Variants in COLGALT1 observed in about 807,000 individuals in gnomAD.
COLGALT1 encodes the protein collagen beta(1-O)galactosyltransferase 1.
In COLGALT1, 43 loss-of-function variants were observed where a neutral mutation model predicts 60.8. The observed-to-expected ratio is 0.71, with a 90% CI of 0.55 to 0.91. COLGALT1 has a LOEUF of 0.91. Ranked by LOEUF, COLGALT1 falls within the 40% of genes least tolerant of loss-of-function variation. The pLI is 0.00. For missense variants in COLGALT1, 845 were observed against 880.0 expected, an observed-to-expected ratio of 0.96 and a Z score of 0.50; for synonymous variants, 369 against 374.2, an observed-to-expected ratio of 0.99 and a Z score of 0.16.
chr19:17,577,112 C>A, intron 6 of COLGALT1, 83 bp from the exon 7 acceptor site: 1 of 1,374,124 alleles, frequency 7.3e-7, no homozygotes, highest in Non-Finnish European at 1.0e-6. Context: ...TGACTGGGAG[C>A]CATGGAGTGG....
chr19:17,557,181 A>G (rs921649960), intron 1 of COLGALT1, among the ~76,000 whole-genome samples: 2 of 152,230 alleles, frequency 1.3e-5, no homozygotes, highest in African/African-American at 4.8e-5. Flanking sequence ...TAATCCAAAT[A>G]CACAATTGGT....
intron 10 of COLGALT1, chr19:17,579,815 G>T: frequency 3.1e-6 from 2 of 636,020 alleles, no homozygotes; most frequent in Non-Finnish European, 5.3e-6. Context: ...TGAATCCTAC[G>T]GGCGTGGCCA....
chr19:17,564,060 A>C (rs959507065), intron 3 of COLGALT1, among the ~76,000 whole-genome samples: 13 of 122,294 alleles, frequency 1.1e-4, no homozygotes, highest in Admixed American at 3.2e-4. Context: ...ACATAGTGAG[A>C]CCCCCCCCAT....
chr19:17,570,934 G>A (rs756787539), intron 5 of COLGALT1, among the ~76,000 whole-genome samples: 20 of 152,088 alleles, frequency 1.3e-4, no homozygotes, highest in Admixed American at 7.9e-4. Context: ...CATGAAAACT[G>A]TATGAAATTC....
intron 1 of COLGALT1, among the ~76,000 whole-genome samples, chr19:17,558,954 A>T (rs368181802): frequency 4.0e-5 from 6 of 151,516 alleles, no homozygotes; most frequent in South Asian, 2.1e-4. Flanking sequence ...AGGTCAGGAG[A>T]TCGAGACCAG....
intron 6 of COLGALT1, 122 bp downstream of exon 6, chr19:17,572,724 T>C: frequency 7.1e-7 from 1 of 1,409,576 alleles, no homozygotes; most frequent in African/African-American, 1.4e-5. Flanking sequence ...TGGGGGGTGC[T>C]GGGTGCAACG....
At chr19:17,556,110 C>T (rs3746317) in intron 1 of COLGALT1, 137 bp downstream of exon 1, 406,903 of 999,782 alleles carry the variant, frequency 0.41, 90,109 homozygotes, top group Non-Finnish European at 0.45. Flanking sequence ...CTCGCTACCC[C>T]CATCGGGACG....
rs972586167 is a variant in COLGALT1 at position 17,581,554 on chromosome 19, G to A, written c.*110G>A. 38 of 1,366,216 alleles carry A rather than the reference G, an allele frequency of 2.8e-5. No individual in the cohort carries two copies. In the South Asian group the frequency reaches 3.9e-4, roughly 14 times the overall value. 84.6% of individuals were successfully genotyped at this position (1,366,216 alleles called of 1,614,324 possible). A position where few individuals can be genotyped will look rare whatever the true frequency, so the allele number is the denominator to read the frequency against. On this transcript the variant is annotated 3_prime_UTR_variant, in exon 12 of 12. Transcript: ENST00000252599. ...CCTTGGCAGGCCACAGAGGGCTCTC[G>A]TGTGGGGTGGTGTCCAGCCAGCTCT...
In COLGALT1 at chr19:17,581,277, G is replaced by T; in HGVS notation, c.1702G>T (p.Val568Leu). 6.2e-7 allele frequency: 1 copy of T among 1,612,520 alleles called. No individual in the cohort carries two copies. The change falls in exon 12 of 12, where the codon GTG (valine) becomes TTG (leucine). Residue 568 changes from valine (V) to leucine (L), a missense_variant. Val to Leu is a conservative substitution (Grantham distance 32, BLOSUM62 1). Coordinates refer to ENST00000252599, the MANE Select transcript of COLGALT1 (RefSeq NM_024656.4). ...ACACTACACAGGAGACGATGGCTAT[G>T]TGAGTGACACCGAGACCTCAGTCGT... ...PTHYTGDDGY[V>L]SDTETSVVWN...
At chr19:17,559,088 A>T (rs1001467833) in intron 1 of COLGALT1, among the ~76,000 whole-genome samples, 2 of 151,976 alleles carry the variant, frequency 1.3e-5, no homozygotes, top group Non-Finnish European at 2.9e-5. Context: ...TGAACCCGGG[A>T]GGCGGAGCTT....
At chr19:17,566,945 C>T (rs1231107469) in intron 3 of COLGALT1, among the ~76,000 whole-genome samples, 1 of 152,072 alleles carries the variant, frequency 6.6e-6, no homozygotes, top group Admixed American at 6.6e-5. Context: ...GGTACCCTGT[C>T]TCTATTAAAA....
At chr19:17,576,826 G>T (rs1343627906) in intron 6 of COLGALT1, among the ~76,000 whole-genome samples, 1 of 150,392 alleles carries the variant, frequency 6.6e-6, no homozygotes, top group Non-Finnish European at 1.5e-5. Context: ...CTGTAGCCTG[G>T]GGTGTGGCCA....
chr19:17,560,219 C>T lies in COLGALT1; in HGVS notation c.372-129C>T, dbSNP rs192590788. 145 of 655,848 alleles carry T rather than the reference C, an allele frequency of 2.2e-4. 1 individual carries two copies. The Middle Eastern group carries it at 3.4e-3, about 15-fold the overall frequency. The allele number at this position is 655,848 out of a possible 1,614,324, so 40.6% of individuals were successfully genotyped here. A position where few individuals can be genotyped will look rare whatever the true frequency, so the allele number is the denominator to read the frequency against. On this transcript the variant is annotated intron_variant, in intron 2 of 11. Coordinates refer to ENST00000252599, the MANE Select transcript of COLGALT1 (RefSeq NM_024656.4). ...TCTTTCCTCGTCGTTTACTTTTTCCCATCCCTCAGATCAGCTTACACGTCC... is the reference window on the plus strand; with the variant it reads ...TCTTTCCTCGTCGTTTACTTTTTCCTATCCCTCAGATCAGCTTACACGTCC...
At chr19:17,560,773 C>A (rs950175324) in intron 3 of COLGALT1, among the ~76,000 whole-genome samples, 1 of 151,914 alleles carries the variant, frequency 6.6e-6, no homozygotes, top group Non-Finnish European at 1.5e-5. Context: ...CACTCTGGTG[C>A]CCAGGCTGGA....
chr19:17,573,534 A>T (rs2076324543), intron 6 of COLGALT1, among the ~76,000 whole-genome samples: 1 of 152,064 alleles, frequency 6.6e-6, no homozygotes, highest in Admixed American at 6.6e-5. Flanking sequence ...TCTCAAAAAA[A>T]AAAATTTTTT....
Position 17,581,390 on chromosome 19 carries a change from G to T in COLGALT1, c.1815G>T (p.Lys605Asn). The T allele has an allele frequency of 1.9e-6, 3 of 1,612,506 alleles. No individual in the cohort carries two copies. The highest frequency in any genetic ancestry group is 2.5e-6 in the Non-Finnish European group (3 of 1,179,942). The change falls in exon 12 of 12, where the codon AAG becomes AAT. Residue 605 changes from lysine to asparagine, a missense_variant. Coordinates refer to ENST00000252599, the MANE Select transcript of COLGALT1 (RefSeq NM_024656.4). ...REQQALSREA[K>N]NSDVLQSPLD... is the part of the protein sequence containing the mutation. Reference sequence around the variant, plus strand: ...AGCAGGCACTGAGCCGTGAGGCCAAGAACTCGGACGTGCTCCAGTCCCCAC... The same window carrying T: ...AGCAGGCACTGAGCCGTGAGGCCAATAACTCGGACGTGCTCCAGTCCCCAC...
At chr19:17,556,045 C>G (rs1180579018) in intron 1 of COLGALT1, 72 bp downstream of exon 1, 1 of 1,254,442 alleles carries the variant, frequency 8.0e-7, no homozygotes, top group Non-Finnish European at 1.0e-6. Flanking sequence ...AGGGGTGGGT[C>G]CACGCGAGCC....
chr19:17,581,909 ATTT>A lies in COLGALT1; in HGVS notation c.*482_*484del, dbSNP rs34244232. The A allele has an allele frequency of 2.9e-4, 41 of 140,218 alleles. No individual in the cohort carries two copies. The highest frequency in any genetic ancestry group is 1.5e-3 in the South Asian group (7 of 4,820). 8.7% of individuals were successfully genotyped at this position (140,218 alleles called of 1,614,324 possible). Reference sequence around the variant, plus strand: ...GTTGGGTGCCATTCCAGGCTCTGGGATTTTTTTTTTTTTTTTTTTAAGAGTAGA... The same window carrying A: ...GTTGGGTGCCATTCCAGGCTCTGGGATTTTTTTTTTTTTTTTAAGAGTAGA... On this transcript the variant is annotated 3_prime_UTR_variant, in exon 12 of 12. Transcript: ENST00000252599.
chr19:17,560,562 T>C (rs1309024455), intron 3 of COLGALT1, 97 bp downstream of exon 3: 3 of 989,294 alleles, frequency 3.0e-6, no homozygotes, highest in Non-Finnish European at 4.8e-6. Flanking sequence ...CTTAATGTTG[T>C]TTTGCAGAAG....
Sources: allele counts gnomAD v4.1 joint callset (sites outside exome capture counted in the v4.1 genomes callset), GRCh38; gene constraint gnomAD v4.1.1; transcripts MANE v1.5; gene names NCBI Gene and HGNC (gene_info 2026-07-23, HGNC 2026-07-21).